The following CDH6 variants were observed in gnomAD, a reference collection of about 807,000 sequenced individuals.
CDH6 encodes cadherin-6.
A neutral mutation model predicts 78.0 loss-of-function variants in CDH6; 31 were observed. That is an observed-to-expected ratio of 0.40 (90% confidence interval 0.30 to 0.54). The LOEUF (loss-of-function observed/expected upper bound fraction) is 0.54. Ranked by LOEUF, CDH6 falls within the 20% of genes least tolerant of loss-of-function variation. The probability of loss-of-function intolerance (pLI) is 0.56; values close to 1 mark genes in which losing one functional copy is unlikely to be tolerated. For missense variants in CDH6, 724 were observed against 975.9 expected (o/e 0.74, Z 3.44); for synonymous variants, 376 against 368.8 (o/e 1.02, Z -0.23).
At chr5:31,231,171 C>G (rs1741301800) in intron 1 of CDH6, among the ~76,000 whole-genome samples, 2 of 152,290 alleles carry the variant, frequency 1.3e-5, no homozygotes, top group Admixed American at 6.5e-5. Flanking sequence ...CTCTTTTTAA[C>G]AGATTACTCA....
intron 8 of CDH6, among the ~76,000 whole-genome samples, chr5:31,313,750 G>C (rs1412365258): frequency 1.3e-5 from 2 of 151,954 alleles, no homozygotes; most frequent in Non-Finnish European, 2.9e-5. Context: ...TTATAAATTA[G>C]AACATTACAT....
At chr5:31,253,423 A>G (rs1741969374) in intron 1 of CDH6, among the ~76,000 whole-genome samples, 1 of 152,150 alleles carries the variant, frequency 6.6e-6, no homozygotes, top group Non-Finnish European at 1.5e-5. Context: ...CCATGATTGT[A>G]AGTTTCCTGA....
intron 1 of CDH6, among the ~76,000 whole-genome samples, chr5:31,257,857 T>C (rs1416992412): frequency 2.0e-5 from 3 of 152,200 alleles, no homozygotes; most frequent in South Asian, 2.1e-4. Flanking sequence ...AGATGCTGTT[T>C]CCATGAGCAA....
intron 7 of CDH6, among the ~76,000 whole-genome samples, chr5:31,311,819 C>A (rs749863687): frequency 6.6e-6 from 1 of 152,206 alleles, no homozygotes; most frequent in Non-Finnish European, 1.5e-5. Context: ...CCTCCCATCA[C>A]GCCCCTCCTT....
intron 2 of CDH6, among the ~76,000 whole-genome samples, chr5:31,273,829 A>T (rs867356754): frequency 3.4e-4 from 52 of 152,352 alleles, no homozygotes; most frequent in African/African-American, 1.1e-3. Flanking sequence ...TTTCCAGAAC[A>T]CATTAGTGGT....
intron 1 of CDH6, among the ~76,000 whole-genome samples, chr5:31,233,416 G>A (rs570915930): frequency 6.6e-5 from 10 of 151,674 alleles, no homozygotes; most frequent in Admixed American, 2.0e-4. Flanking sequence ...TCAGGAGGCC[G>A]AGGTGGGAGG....
At chr5:31,228,503 C>G (rs550824260) in intron 1 of CDH6, among the ~76,000 whole-genome samples, 1 of 152,284 alleles carries the variant, frequency 6.6e-6, no homozygotes, top group South Asian at 2.1e-4. Flanking sequence ...CCCACCCCAG[C>G]TTTGCCAATA....
At chr5:31,218,962 G>T (rs755815885) in intron 1 of CDH6, among the ~76,000 whole-genome samples, 1 of 152,090 alleles carries the variant, frequency 6.6e-6, no homozygotes, top group Non-Finnish European at 1.5e-5. Flanking sequence ...GGTCACCTTG[G>T]CTGAACCAAG....
chr5:31,273,908 A>AT (rs1240472385), intron 2 of CDH6, among the ~76,000 whole-genome samples: 6 of 151,746 alleles, frequency 4.0e-5, no homozygotes, highest in East Asian at 3.9e-4. Flanking sequence ...GGTCATTGTG[A>AT]TTTTTTTTTA....
intron 1 of CDH6, among the ~76,000 whole-genome samples, chr5:31,236,740 C>T (rs1741465293): frequency 6.6e-6 from 1 of 152,184 alleles, no homozygotes; most frequent in South Asian, 2.1e-4. Context: ...TGGCTGTGAA[C>T]CTGTTTTGAT....
chr5:31,256,697 A>T (rs1310593512), intron 1 of CDH6, among the ~76,000 whole-genome samples: 1 of 152,184 alleles, frequency 6.6e-6, no homozygotes, highest in Non-Finnish European at 1.5e-5. Flanking sequence ...CTCCCCTGAG[A>T]CCCCAAAACT....
chr5:31,238,096 A>T (rs181287277), intron 1 of CDH6, among the ~76,000 whole-genome samples: 11 of 152,330 alleles, frequency 7.2e-5, no homozygotes, highest in African/African-American at 2.6e-4. Flanking sequence ...AGGACCATCT[A>T]AATCTTTGTT....
chr5:31,195,594 G>A (rs1469300367), intron 1 of CDH6, among the ~76,000 whole-genome samples: 1 of 152,170 alleles, frequency 6.6e-6, no homozygotes, highest in Non-Finnish European at 1.5e-5. Context: ...CGTAAAACCA[G>A]TTGTGTGAAG....
rs1737694169 is a variant in CDH6, at chr5:31,299,372, G to C, written c.644-92G>C. 5.2e-6 allele frequency: 5 copies of C among 970,262 alleles called. No individual in the cohort carries two copies. The South Asian group carries it at 8.1e-5, about 16-fold the overall frequency. The allele number at this position is 970,262 out of a possible 1,614,324, so 60.1% of individuals were successfully genotyped here. A position where few individuals can be genotyped will look rare whatever the true frequency, so the allele number is the denominator to read the frequency against. ...ACATCTGCATAGCATTTTGCATATT[G>C]TGGGTGACAGTTTATGTTGTTTGCA... On this transcript the variant is annotated intron_variant, in intron 4 of 11. Coordinates refer to ENST00000265071, the MANE Select transcript of CDH6 (RefSeq NM_004932.4).
At chr5:31,297,715 T>A (rs1737653040) in intron 4 of CDH6, among the ~76,000 whole-genome samples, 1 of 152,218 alleles carries the variant, frequency 6.6e-6, no homozygotes, top group Non-Finnish European at 1.5e-5. Context: ...TGTTTACAGA[T>A]ATTCAGAATC....
chr5:31,199,669 ATG>A (rs763899210), intron 1 of CDH6, among the ~76,000 whole-genome samples: 1,068 of 94,230 alleles, frequency 0.011, 44 homozygotes, highest in African/African-American at 0.04. Flanking sequence ...GTGTGTGTGT[ATG>A]TGTGTGTGTG....
rs987363163 is a variant in CDH6 at position 31,323,383 on chromosome 5, T to G, written c.*75T>G. 3 of 1,483,976 alleles carry G rather than the reference T, an allele frequency of 2.0e-6. No homozygotes were observed. Among genetic ancestry groups the G allele is most frequent in the Non-Finnish European group, 2.7e-6 (3 of 1,093,908 alleles). The allele number at this position is 1,483,976 out of a possible 1,614,324, so 91.9% of individuals were successfully genotyped here. On this transcript the variant is annotated 3_prime_UTR_variant, in exon 12 of 12. Transcript: ENST00000265071. ...CTATTTCTTTATATTTATCCACTAC[T>G]CCGTGAAGGCTTCTCTGTTCTACCC...
At chr5:31,214,467 T>C (rs1302205821) in intron 1 of CDH6, among the ~76,000 whole-genome samples, 1 of 152,170 alleles carries the variant, frequency 6.6e-6, no homozygotes, top group Middle Eastern at 3.2e-3. Context: ...ATATTGAATA[T>C]AGGTCAAAGG....
intron 1 of CDH6, among the ~76,000 whole-genome samples, chr5:31,266,346 G>C (rs1742353834): frequency 6.6e-6 from 1 of 152,150 alleles, no homozygotes; most frequent in Non-Finnish European, 1.5e-5. Context: ...GTTTGTTACA[G>C]TTCTTACAGT....
Sources: allele counts gnomAD v4.1 joint callset (sites outside exome capture counted in the v4.1 genomes callset), GRCh38; gene constraint gnomAD v4.1.1; transcripts MANE v1.5; gene names NCBI Gene and HGNC (gene_info 2026-07-23, HGNC 2026-07-21).